Variants in RBFOX1 observed in about 807,000 individuals in gnomAD.
RBFOX1 encodes the protein RNA binding protein fox-1 homolog 1.
In RBFOX1, 8 loss-of-function variants were observed where a neutral mutation model predicts 57.7. The ratio of observed to expected loss-of-function variants is 0.14; its 90% CI spans 0.08 to 0.25. The LOEUF (loss-of-function observed/expected upper bound fraction) is 0.25, where lower values mean the gene tolerates loss of function less well. Ranked by LOEUF, RBFOX1 falls within the 10% of genes least tolerant of loss-of-function variation. The pLI, the probability that RBFOX1 is intolerant of heterozygous loss-of-function variation, is 1.00. For synonymous variants in RBFOX1, 326 were observed against 222.4 expected (o/e 1.47, Z -4.15); for missense variants, 611 against 548.5 (o/e 1.11, Z -1.14).
At chr16:6,214,788 G>A (rs2097323426) in intron 1 of RBFOX1, among the ~76,000 whole-genome samples, 4 of 92,682 alleles carry the variant, frequency 4.3e-5, no homozygotes, top group Admixed American at 2.1e-4. Flanking sequence ...AGGGAGAAGG[G>A]GAGGGAGAGG....
intron 3 of RBFOX1, among the ~76,000 whole-genome samples, chr16:6,731,358 A>G (rs1410893433): frequency 4.6e-5 from 7 of 152,146 alleles, no homozygotes; most frequent in African/African-American, 1.7e-4. Context: ...GTTGATGTCT[A>G]GGGCACGACT....
intron 1 of RBFOX1, among the ~76,000 whole-genome samples, chr16:6,195,381 C>T (rs1297253686): frequency 6.6e-6 from 1 of 152,128 alleles, no homozygotes; most frequent in East Asian, 1.9e-4. Context: ...TTTCCGTCTT[C>T]TGGACTGAGA....
chr16:7,693,173 G>T, intron 14 of RBFOX1: 1 of 653,738 alleles, frequency 1.5e-6, no homozygotes, highest in South Asian at 2.0e-5. Context: ...TCTAAACTCT[G>T]AGGTACATCA....
intron 3 of RBFOX1, among the ~76,000 whole-genome samples, chr16:7,008,255 AT>A (rs2093415330): frequency 6.6e-6 from 1 of 152,270 alleles, no homozygotes; most frequent in African/African-American, 2.4e-5. Context: ...AGAAAGTAAA[AT>A]TCAGGCCAGG....
intron 1 of RBFOX1, among the ~76,000 whole-genome samples, chr16:5,432,286 T>C (rs768200739): frequency 4.6e-5 from 7 of 151,384 alleles, no homozygotes; most frequent in Non-Finnish European, 8.8e-5. Flanking sequence ...TGAGATGAAA[T>C]GGGAAAAGGC....
intron 3 of RBFOX1, among the ~76,000 whole-genome samples, chr16:5,673,870 C>A (rs956480129): frequency 9.2e-5 from 14 of 152,326 alleles, no homozygotes; most frequent in African/African-American, 3.4e-4. Context: ...ATTTTGCCTG[C>A]ATCATCTGCT....
intron 3 of RBFOX1, among the ~76,000 whole-genome samples, chr16:6,731,387 A>T (rs999010225): frequency 6.6e-6 from 1 of 152,120 alleles, no homozygotes; most frequent in East Asian, 1.9e-4. Context: ...GAAACAGGGG[A>T]TCAGTGACCT....
chr16:5,914,440 A>G (rs950945801), intron 4 of RBFOX1, among the ~76,000 whole-genome samples: 1 of 152,092 alleles, frequency 6.6e-6, no homozygotes, highest in African/African-American at 2.4e-5. Flanking sequence ...ATCCCCTTCC[A>G]AGTTCATTCA....
At chr16:7,116,345 GT>G (rs2065901378) in intron 4 of RBFOX1, among the ~76,000 whole-genome samples, 1 of 152,122 alleles carries the variant, frequency 6.6e-6, no homozygotes, top group African/African-American at 2.4e-5. Context: ...TTCATGAGGT[GT>G]CATTCAAAGC....
chr16:6,487,682 AAAAAAAAAAAAAAAAAAAATAT>A (rs1362858225), intron 2 of RBFOX1, among the ~76,000 whole-genome samples: 5 of 13,664 alleles, frequency 3.7e-4, no homozygotes, highest in Non-Finnish European at 5.3e-4. Context: ...GTAAAAAAAA[AAAAAAAAAAAAAAAAAAAATAT>A]ATATATATAT....
chr16:7,477,502 GC>G (rs2062985740), intron 4 of RBFOX1, among the ~76,000 whole-genome samples: 8 of 151,996 alleles, frequency 5.3e-5, no homozygotes, highest in Admixed American at 5.2e-4. Context: ...TCTCCCTTCT[GC>G]CCCCTGAATA....
chr16:6,478,308 C>T (rs111698763), intron 2 of RBFOX1, among the ~76,000 whole-genome samples: 6,268 of 140,874 alleles, frequency 0.044, 431 homozygotes, highest in African/African-American at 0.14. Flanking sequence ...CTGCAACCTC[C>T]GCCTCCCAGG....
intron 3 of RBFOX1, among the ~76,000 whole-genome samples, chr16:6,716,112 T>A (rs1001694381): frequency 5.3e-5 from 8 of 152,236 alleles, no homozygotes; most frequent in African/African-American, 1.9e-4. Flanking sequence ...TAGATTGGCC[T>A]GAGGCAAATT....
chr16:6,698,018 A>C (rs2061310886), intron 3 of RBFOX1, among the ~76,000 whole-genome samples: 1 of 152,218 alleles, frequency 6.6e-6, no homozygotes, highest in African/African-American at 2.4e-5. Flanking sequence ...TATCCTCCTC[A>C]GTAATTAAAC....
chr16:7,679,675 C>T (rs1042649145), intron 14 of RBFOX1, among the ~76,000 whole-genome samples: 18 of 152,046 alleles, frequency 1.2e-4, no homozygotes, highest in African/African-American at 3.9e-4. Flanking sequence ...TATTGAACTC[C>T]AGTAACCTCA....
chr16:5,938,951 G>A (rs2059225528), intron 4 of RBFOX1, among the ~76,000 whole-genome samples: 1 of 152,168 alleles, frequency 6.6e-6, no homozygotes, highest in African/African-American at 2.4e-5. Flanking sequence ...TAGGGACATG[G>A]ATGAAGCTGG....
rs529052164 is a variant in RBFOX1 at position 7,006,461 on chromosome 16, T to A, written c.-15-45596T>A. Reference sequence around the variant, plus strand: ...AGCCACTGCGCCCGGCCAAACAAGTTTTTTTATGTAGAGACAGGGTGTCTA... The same window carrying A: ...AGCCACTGCGCCCGGCCAAACAAGTATTTTTATGTAGAGACAGGGTGTCTA... On this transcript the variant is annotated intron_variant, in intron 3 of 15. Transcript: ENST00000550418. 2.0e-5 allele frequency among the ~76,000 whole-genome samples: 3 copies of A among 152,146 alleles called. No homozygotes were observed. The East Asian group carries it at 5.8e-4, about 29-fold the overall frequency.
intron 1 of RBFOX1, among the ~76,000 whole-genome samples, chr16:5,292,367 A>G (rs185061962): frequency 3.3e-5 from 5 of 151,448 alleles, no homozygotes; most frequent in African/African-American, 9.7e-5. Flanking sequence ...CCCCAAATCA[A>G]TTGGCAGAAA....
At chr16:5,318,621 T>C (rs2064309492) in intron 1 of RBFOX1, among the ~76,000 whole-genome samples, 1 of 152,194 alleles carries the variant, frequency 6.6e-6, no homozygotes, top group African/African-American at 2.4e-5. Context: ...AAACACTTTA[T>C]CATATGGAGC....
Sources: gnomAD v4.1 joint callset for allele counts (sites outside exome capture counted in the v4.1 genomes callset) on GRCh38, gnomAD v4.1.1 for gene constraint, MANE v1.5 for transcripts, NCBI Gene and HGNC (gene_info 2026-07-23, HGNC 2026-07-21) for gene names.